The following ITGAM variants were observed in gnomAD, a reference collection of about 807,000 sequenced individuals.
The protein encoded by ITGAM is integrin alpha-M.
A neutral mutation model predicts 137.5 loss-of-function variants in ITGAM; 79 were observed. The observed-to-expected ratio is 0.57, with a 90% CI of 0.48 to 0.69. The LOEUF (loss-of-function observed/expected upper bound fraction) is 0.69, where lower values mean the gene tolerates loss of function less well. ITGAM is among the 30% of genes least tolerant of loss of function. The probability of loss-of-function intolerance (pLI) is 0.00; values close to 1 mark genes in which losing one functional copy is unlikely to be tolerated. For missense variants in ITGAM, 1,343 were observed against 1,483.5 expected (o/e 0.91, Z 1.56); for synonymous variants, 583 against 592.3 (o/e 0.98, Z 0.23).
chr16:31,327,936 G>T, intron 22 of ITGAM: 1 of 566,212 alleles, frequency 1.8e-6, no homozygotes, highest in Non-Finnish European at 3.2e-6. Context: ...GTGAATTCAG[G>T]GGACCAGTTA....
At position 31,331,235 on chromosome 16, in the gene ITGAM, G is replaced by C; in HGVS notation, c.3347G>C (p.Gly1116Ala). ...LPLIVGSSVG[G>A]LLLLALITAA... is the part of the protein sequence containing the mutation. Reference sequence around the variant, plus strand: ...CTCATCGTGGGCAGCTCTGTCGGGGGACTGCTGCTCCTGGCCCTCATCACC... The same window carrying C: ...CTCATCGTGGGCAGCTCTGTCGGGGCACTGCTGCTCCTGGCCCTCATCACC... Residue 1116 changes from glycine to alanine, a missense_variant, in exon 29 of 30, where the codon GGA (glycine) becomes GCA (alanine). Coordinates refer to ENST00000544665, the MANE Select transcript of ITGAM (RefSeq NM_000632.4). 1 of 1,613,242 alleles carries C rather than the reference G, an allele frequency of 6.2e-7. No individual in the cohort carries two copies. The highest frequency in any genetic ancestry group is 1.3e-5 in the African/African-American group (1 of 75,020).
At chr16:31,268,821 A>T (rs2079798202) in intron 5 of ITGAM, among the ~76,000 whole-genome samples, 1 of 152,126 alleles carries the variant, frequency 6.6e-6, no homozygotes, top group Non-Finnish European at 1.5e-5. Context: ...ATTCTGCCAG[A>T]ATCCTTTTGA....
At chr16:31,293,102 C>T (rs532199803) in intron 12 of ITGAM, among the ~76,000 whole-genome samples, 1 of 151,750 alleles carries the variant, frequency 6.6e-6, no homozygotes, top group Non-Finnish European at 1.5e-5. Context: ...CTTTTAATGG[C>T]GTTGTTTTTC....
At chr16:31,266,829 C>T (rs2079774231) in intron 5 of ITGAM, among the ~76,000 whole-genome samples, 1 of 151,548 alleles carries the variant, frequency 6.6e-6, no homozygotes, top group African/African-American at 2.4e-5. Context: ...TTCCCCAAAC[C>T]TCTGTTGATT....
intron 12 of ITGAM, among the ~76,000 whole-genome samples, chr16:31,282,961 T>TTC (rs1258838120): frequency 2.6e-5 from 4 of 152,210 alleles, no homozygotes; most frequent in Non-Finnish European, 5.9e-5. Flanking sequence ...AGTATTTTAT[T>TTC]TCTCCTTCAC....
intron 14 of ITGAM, among the ~76,000 whole-genome samples, chr16:31,316,844 G>A (rs1337160285): frequency 1.3e-5 from 2 of 152,002 alleles, no homozygotes; most frequent in African/African-American, 4.8e-5. Flanking sequence ...TAACTTGTAA[G>A]CATTTTATTT....
In ITGAM at chr16:31,305,924, C is replaced by CT. The variant is rs1014112167; in HGVS notation, c.1707+7978dup. Reference sequence around the variant, plus strand: ...ATCAGGGATATTGTTCTGTAGTTTTCTTTTTTTTGTTATATCCTTTTCTGG... The same window carrying CT: ...ATCAGGGATATTGTTCTGTAGTTTTCTTTTTTTTTGTTATATCCTTTTCTGG... On this transcript the variant is annotated intron_variant, in intron 14 of 29. Transcript: ENST00000544665. Among the ~76,000 whole-genome samples the CT allele has an allele frequency of 2.3e-4, 35 of 151,764 alleles. 1 individual carries two copies. Among genetic ancestry groups the CT allele is most frequent in the Admixed American group, 1.7e-3 (26 of 15,222 alleles).
At chr16:31,270,834 T>A (rs1244113893) in intron 5 of ITGAM, 120 bp from the exon 6 acceptor site, 1 of 350,736 alleles carries the variant, frequency 2.9e-6, no homozygotes, top group East Asian at 5.8e-5. Flanking sequence ...ATTTAACATC[T>A]ATATTTTTTA....
intron 8 of ITGAM, among the ~76,000 whole-genome samples, chr16:31,274,371 T>C (rs1384548158): frequency 6.6e-6 from 1 of 151,906 alleles, no homozygotes; most frequent in African/African-American, 2.4e-5. Flanking sequence ...GGCCCAAGGG[T>C]CCTGGTCCTG....
chr16:31,265,244 A>AT, intron 2 of ITGAM, 151 bp from the exon 3 acceptor site: 1 of 488,604 alleles, frequency 2.0e-6, no homozygotes, highest in South Asian at 3.8e-5. Flanking sequence ...ACATTTTCCC[A>AT]TTTTTTTCTT....
chr16:31,324,718 T>C lies in ITGAM; in HGVS notation c.2225T>C (p.Leu742Ser). 1 of 1,600,408 alleles carries C rather than the reference T, an allele frequency of 6.2e-7. No individual in the cohort carries two copies. Among genetic ancestry groups the C allele is most frequent in the Non-Finnish European group, 8.5e-7 (1 of 1,174,084 alleles). Residue 742 changes from leucine to serine, a missense_variant, in exon 18 of 30, where the codon TTG becomes TCG. By Grantham distance (145) the Leu-to-Ser change is moderately radical. Transcript: ENST00000544665. This position sits in a 1 kb window ranked among gnomAD's most constrained non-coding sequence, Gnocchi z 4.5. ...RLNFSLVGTP[L>S]SAFGNLRPVL... ...AACTTCTCTCTGGTGGGAACGCCAT[T>C]GTCTGCTTTCGGGAACCTCCGGCCA...
intron 1 of ITGAM, 73 bp from the exon 2 acceptor site, chr16:31,261,619 A>G (rs2079699940): frequency 2.1e-6 from 2 of 933,458 alleles, no homozygotes; most frequent in Non-Finnish European, 3.4e-6. Flanking sequence ...CAGCCCTCCA[A>G]AGTGCTAGGA....
At position 31,331,204 on chromosome 16, in the gene ITGAM, C is replaced by T. The variant is rs1288979920; in HGVS notation, c.3316C>T (p.Leu1106=). Residue 1106 remains leucine (L), a synonymous_variant, in exon 29 of 30, where the codon CTG becomes TTG. Transcript: ENST00000544665. ...GGAGCCGTTCGAGGTCCCCAACCCC[C>T]TGCCGCTCATCGTGGGCAGCTCTGT... ...KVEPFEVPNP[L]PLIVGSSVGG... 2 of 1,613,498 alleles carry T rather than the reference C, an allele frequency of 1.2e-6. No individual in the cohort carries two copies. Among genetic ancestry groups the T allele is most frequent in the Non-Finnish European group, 8.5e-7 (1 of 1,179,658 alleles).
In ITGAM at chr16:31,326,941, C is replaced by T. The variant is rs777862728; in HGVS notation, c.2708+6C>T. ...CTCAAGGCCAATGTGACCAGGTGCTCTCTGCTACCAGGCTTCTGCAGGCAG... is the reference window on the plus strand; with the variant it reads ...CTCAAGGCCAATGTGACCAGGTGCTTTCTGCTACCAGGCTTCTGCAGGCAG... On this transcript the variant is annotated splice_donor_region_variant and intron_variant, in intron 22 of 29. Transcript: ENST00000544665. 3.7e-6 allele frequency: 6 copies of T among 1,607,464 alleles called. No individual in the cohort carries two copies. Among genetic ancestry groups the T allele is most frequent in the Non-Finnish European group, 4.3e-6 (5 of 1,173,954 alleles).
chr16:31,269,050 G>T (rs1217110673), intron 5 of ITGAM, among the ~76,000 whole-genome samples: 1 of 152,128 alleles, frequency 6.6e-6, no homozygotes, highest in Non-Finnish European at 1.5e-5. Flanking sequence ...GCATTTGGGG[G>T]CAGAGTTTTT....
intron 26 of ITGAM, 21 bp from the exon 27 acceptor site, chr16:31,330,282 GTCCCC>G: frequency 6.3e-7 from 1 of 1,596,196 alleles, no homozygotes; most frequent in Non-Finnish European, 8.6e-7. Context: ...TTCCTTACCC[GTCCCC>G]TCCCCTCCTG....
Position 31,266,153 on chromosome 16 carries a change from T to C in ITGAM, c.427+6T>C, listed in dbSNP as rs1596969519. 6.9e-6 allele frequency: 11 copies of C among 1,603,400 alleles called. No individual in the cohort carries two copies. Among genetic ancestry groups the C allele is most frequent in the South Asian group, 1.1e-5 (1 of 90,834 alleles). ...GTTCCCAGAGGCCCTCCGAGGTGGG[T>C]TGCCTTTGGCAGAGGGAACAGATGC... On this transcript the variant is annotated splice_donor_region_variant and intron_variant, in intron 5 of 29. Transcript: ENST00000544665.
At chr16:31,313,305 C>G (rs563890164) in intron 14 of ITGAM, among the ~76,000 whole-genome samples, 92 of 152,250 alleles carry the variant, frequency 6.0e-4, no homozygotes, top group African/African-American at 2.2e-3. Flanking sequence ...TGGTGGTTTG[C>G]TGCACCCATC....
Position 31,329,923 on chromosome 16 carries a change from T to G in ITGAM, c.2976+18T>G. 1 of 1,550,056 alleles carries G rather than the reference T, an allele frequency of 6.5e-7. No individual in the cohort carries two copies. The highest frequency in any genetic ancestry group is 8.7e-7 in the Non-Finnish European group (1 of 1,144,014). ...TCTCCGAGGTGAGCGGAGCTCGGCCTGACTCCTGCACGGCCCTGCGCGTTC... is the reference window on the plus strand; with the variant it reads ...TCTCCGAGGTGAGCGGAGCTCGGCCGGACTCCTGCACGGCCCTGCGCGTTC... On this transcript the variant is annotated intron_variant, in intron 25 of 29. Transcript: ENST00000544665.
Sources: gnomAD v4.1 joint callset for allele counts (sites outside exome capture counted in the v4.1 genomes callset) on GRCh38, gnomAD v4.1.1 for gene constraint, Gnocchi (gnomAD v3.1) non-coding constraint, MANE v1.5 for transcripts, NCBI Gene and HGNC (gene_info 2026-07-23, HGNC 2026-07-21) for gene names.